KLHL15: variants seen among roughly 807,000 people sequenced by gnomAD.
KLHL15 encodes the protein kelch-like protein 15.
Under a neutral mutation model 29.3 loss-of-function variants are expected in KLHL15, and 1 was observed. The observed-to-expected ratio is 0.03, with a 90% confidence interval of 0.01 to 0.16. The LOEUF is 0.16. Ranked by LOEUF, KLHL15 falls within the 10% of genes least tolerant of loss-of-function variation. The pLI, the probability that KLHL15 is intolerant of heterozygous loss-of-function variation, is 1.00. For synonymous variants in KLHL15, 212 were observed against 184.5 expected (o/e 1.15, Z -1.21); for missense variants, 215 against 478.5 (o/e 0.45, Z 5.14).
At chrX:24,025,606 G>A (rs1929914398) in intron 1 of KLHL15, among the ~76,000 whole-genome samples, 1 of 108,454 alleles carries the variant, frequency 9.2e-6, no homozygotes, top group Admixed American at 9.5e-5. Context: ...GAGGGGGCCA[G>A]CCCGTGGCCT....
intron 2 of KLHL15, among the ~76,000 whole-genome samples, chrX:24,015,286 A>G (rs1056389736): frequency 1.8e-5 from 2 of 112,152 alleles, no homozygotes; most frequent in African/African-American, 3.2e-5. Flanking sequence ...TTCTTTTTAT[A>G]TGATTTTGTA....
In KLHL15 at chrX:23,986,830, G is replaced by GT. The variant is rs1429407311; in HGVS notation, c.*1090dup. ...AACAAATGCAGCAGCCTTACTGAAT[G>GT]TAAAAAATGGGAGTTGCACTTACTT... On this transcript the variant is annotated 3_prime_UTR_variant, in exon 4 of 4. Transcript: ENST00000328046. 5 of 111,812 alleles carry GT rather than the reference G, an allele frequency of 4.5e-5. No individual in the cohort carries two copies. The highest frequency in any genetic ancestry group is 1.6e-4 in the African/African-American group (5 of 30,801). 9.2% of individuals were successfully genotyped at this position (111,812 alleles called of 1,213,427 possible). A position where few individuals can be genotyped will look rare whatever the true frequency, so the allele number is the denominator to read the frequency against.
intron 2 of KLHL15, among the ~76,000 whole-genome samples, chrX:24,022,714 GTTTCGCGGTTTTTTTTTT>G (rs1291526905): frequency 9.4e-6 from 1 of 105,848 alleles, no homozygotes; most frequent in Non-Finnish European, 1.9e-5. Context: ...TCTCTCAACT[GTTTCGCGGTTTTTTTTTT>G]TTTTGAGACG....
chrX:24,008,729 T>C (rs763190205), intron 2 of KLHL15, among the ~76,000 whole-genome samples: 2 of 110,043 alleles, frequency 1.8e-5, no homozygotes, highest in South Asian at 3.9e-4. Flanking sequence ...CTTACTTCAA[T>C]GTAAACAAAA....
chrX:24,026,157 C>T (rs1480072756), intron 1 of KLHL15, among the ~76,000 whole-genome samples: 1 of 111,978 alleles, frequency 8.9e-6, no homozygotes, highest in Non-Finnish European at 1.9e-5. Context: ...TATTGCGTCA[C>T]TGTCCACTTG....
chrX:23,996,267 C>G lies in KLHL15; in HGVS notation c.706-7237G>C, dbSNP rs764348106. ...AACCTAATCGCTCGAATGACAAGTA[C>G]AAGGAGGTATCAAGACTGAGTCTTG... On this transcript the variant is annotated intron_variant, in intron 3 of 3. Coordinates refer to ENST00000328046, the MANE Select transcript of KLHL15 (RefSeq NM_030624.3). Among the ~76,000 whole-genome samples, 5 of 111,586 alleles carry G rather than the reference C, an allele frequency of 4.5e-5. No individual in the cohort carries two copies. The South Asian group carries it at 1.9e-3, about 42-fold the overall frequency.
At position 23,988,230 on chromosome X, in the gene KLHL15, G is replaced by A. The variant is rs1929019586; in HGVS notation, c.1506C>T (p.Ala502=). ...VFGGVCVILR[A]SFESQGCPST... Reference sequence around the variant, plus strand: ...AAGGGCATCCCTGAGATTCGAAAGAGGCCCTCAAGATCACACAGACACCAC... The same window carrying A: ...AAGGGCATCCCTGAGATTCGAAAGAAGCCCTCAAGATCACACAGACACCAC... Residue 502 remains alanine (A), a synonymous_variant, in exon 4 of 4, where the codon GCC becomes GCT. Transcript: ENST00000328046. 5 of 1,211,303 alleles carry A rather than the reference G, an allele frequency of 4.1e-6. No homozygotes were observed. Among genetic ancestry groups the A allele is most frequent in the Non-Finnish European group, 3.4e-6 (3 of 895,028 alleles).
intron 2 of KLHL15, among the ~76,000 whole-genome samples, chrX:24,019,472 T>C: frequency 9.1e-6 from 1 of 110,464 alleles, no homozygotes; most frequent in Non-Finnish European, 1.9e-5. Context: ...CCCAGGCTGG[T>C]CTCGAACTCC....
At chrX:24,018,210 C>A (rs1041266348) in intron 2 of KLHL15, among the ~76,000 whole-genome samples, 3 of 111,759 alleles carry the variant, frequency 2.7e-5, no homozygotes, top group African/African-American at 9.8e-5. Flanking sequence ...GCGTGCTCAA[C>A]AAGAAGTGCG....
chrX:24,022,304 C>T (rs371852477), intron 2 of KLHL15, among the ~76,000 whole-genome samples: 1 of 101,115 alleles, frequency 9.9e-6, no homozygotes, highest in East Asian at 3.1e-4. Context: ...CACTGCACTC[C>T]GGCCTGGGAG....
At chrX:23,999,117 C>A (rs1929254812) in intron 3 of KLHL15, among the ~76,000 whole-genome samples, 1 of 109,910 alleles carries the variant, frequency 9.1e-6, no homozygotes. Flanking sequence ...CCATGTTGGC[C>A]AGGCTGGTCT....
At chrX:24,008,879 A>C (rs777288097) in intron 2 of KLHL15, among the ~76,000 whole-genome samples, 193 of 86,110 alleles carry the variant, frequency 2.2e-3, no homozygotes, top group Middle Eastern at 0.013. Context: ...TAGAAAAAAA[A>C]AAAACAAAAC....
At chrX:23,997,032 C>T (rs1320136474) in intron 3 of KLHL15, among the ~76,000 whole-genome samples, 2 of 111,750 alleles carry the variant, frequency 1.8e-5, no homozygotes, top group Non-Finnish European at 3.8e-5. Flanking sequence ...AATTTACTCA[C>T]CCTCTTCTCT....
At chrX:23,992,543 G>C in intron 3 of KLHL15, among the ~76,000 whole-genome samples, 1 of 112,176 alleles carries the variant, frequency 8.9e-6, no homozygotes, top group Middle Eastern at 4.6e-3. Context: ...AAGAAGCCAT[G>C]TTGTTTGGAG....
intron 3 of KLHL15, among the ~76,000 whole-genome samples, chrX:23,998,282 G>T (rs1230084759): frequency 9.5e-6 from 1 of 104,857 alleles, no homozygotes; most frequent in Non-Finnish European, 1.9e-5. Context: ...TGTGTGAGAC[G>T]GAGTCTTGCT....
At chrX:23,995,713 C>T (rs1929174213) in intron 3 of KLHL15, among the ~76,000 whole-genome samples, 1 of 110,357 alleles carries the variant, frequency 9.1e-6, no homozygotes, top group Admixed American at 9.8e-5. Flanking sequence ...GCATGAGCCA[C>T]CGTGCCCAGC....
chrX:24,011,321 CAT>C (rs1447344571), intron 2 of KLHL15, among the ~76,000 whole-genome samples: 2 of 93,565 alleles, frequency 2.1e-5, no homozygotes, highest in African/African-American at 8.1e-5. Context: ...GCCTCGGCAA[CAT>C]AGTGAGACAC....
intron 3 of KLHL15, among the ~76,000 whole-genome samples, chrX:24,005,488 G>A (rs1249644919): frequency 9.0e-6 from 1 of 111,317 alleles, no homozygotes; most frequent in Non-Finnish European, 1.9e-5. Flanking sequence ...TCACCATTAG[G>A]GCCTATTGGT....
chrX:23,995,157 A>G (rs1929160508), intron 3 of KLHL15, among the ~76,000 whole-genome samples: 1 of 112,051 alleles, frequency 8.9e-6, no homozygotes, highest in Admixed American at 9.5e-5. Context: ...AAGTTGGAGA[A>G]ATAACTAGCC....
Sources: gnomAD v4.1 joint callset for allele counts (sites outside exome capture counted in the v4.1 genomes callset) on GRCh38, gnomAD v4.1.1 for gene constraint, MANE v1.5 for transcripts, NCBI Gene and HGNC (gene_info 2026-07-23, HGNC 2026-07-21) for gene names.